The following MEX3B variants were observed in gnomAD, a reference collection of about 807,000 sequenced individuals.
MEX3B encodes RNA-binding protein MEX3B.
Under a neutral mutation model 12.2 loss-of-function variants are expected in MEX3B, and 10 were observed. The observed-to-expected ratio is 0.82, with a 90% CI of 0.51 to 1.40. MEX3B has a LOEUF of 1.40. Ranked by LOEUF, MEX3B falls within the 40% of genes most tolerant of loss-of-function variation. The pLI, the probability that MEX3B is intolerant of heterozygous loss-of-function variation, is 0.00. For missense variants in MEX3B, 839 were observed against 801.4 expected (o/e 1.05, Z -0.57); for synonymous variants, 498 against 356.3 (o/e 1.40, Z -4.48).
At position 82,044,258 on chromosome 15, in the gene MEX3B, C is replaced by G; in HGVS notation, c.612G>C (p.Val204=). ...TCTCTGGCATGCCGGTCACCTCGAACACCGGCTCCTTATCCCGGCTGGGCG... is the reference window on the plus strand; with the variant it reads ...TCTCTGGCATGCCGGTCACCTCGAAGACCGGCTCCTTATCCCGGCTGGGCG... ...IVTPSRDKEP[V]FEVTGMPENV... The change falls in exon 2 of 2, where the codon GTG becomes GTC. Residue 204 remains valine, a synonymous_variant. Coordinates refer to ENST00000329713, the MANE Select transcript of MEX3B (RefSeq NM_032246.6). The surrounding 1 kb of genome is among the most constrained non-coding windows in gnomAD (Gnocchi z 5.3). 6.2e-7 allele frequency: 1 copy of G among 1,614,006 alleles called. No homozygotes were observed. Among genetic ancestry groups the G allele is most frequent in the South Asian group, 1.1e-5 (1 of 91,080 alleles).
chr15:82,043,390 A>G lies in MEX3B; in HGVS notation c.1480T>C (p.Ser494Pro). ...CTGGAGGAGGAGCTGGACGAAGAGG[A>G]GGAGCCCGACGTGTCCGACGGCTGC... is the stretch of plus-strand genomic sequence containing the variant. Reference protein sequence around the residue: ...GLQPSDTSGSSSSSSSSSSSS... With the variant: ...GLQPSDTSGSPSSSSSSSSSS... Residue 494 changes from serine (S) to proline (P), a missense_variant, in exon 2 of 2, where the codon TCC becomes CCC. Ser to Pro is a moderately conservative substitution (Grantham distance 74). Around this residue, in one of 3 missense-constraint regions of MEX3B, gnomAD observed 573 missense variants for 488.9 expected, o/e 1.17. Transcript: ENST00000329713. 1.3e-6 allele frequency: 2 copies of G among 1,587,544 alleles called. No individual in the cohort carries two copies. The highest frequency in any genetic ancestry group is 1.7e-6 in the Non-Finnish European group (2 of 1,166,960).
At chr15:82,045,137 G>C (rs529054496) in intron 1 of MEX3B, 6 of 607,290 alleles carry the variant, frequency 9.9e-6, no homozygotes, top group South Asian at 3.9e-5. Flanking sequence ...CCAAAGGACT[G>C]ATCAAAGGCC....
chr15:82,042,470 A>G lies in MEX3B; in HGVS notation c.*690T>C, dbSNP rs951777038. Reference sequence around the variant, plus strand: ...TTAAAATACTTGTAAACATCTTTGCAATATGAAATATAATTTTTCAAGTCA... The same window carrying G: ...TTAAAATACTTGTAAACATCTTTGCGATATGAAATATAATTTTTCAAGTCA... On this transcript the variant is annotated 3_prime_UTR_variant, in exon 2 of 2. Transcript: ENST00000329713. 2.6e-5 allele frequency: 4 copies of G among 152,768 alleles called. No individual in the cohort carries two copies. The highest frequency in any genetic ancestry group is 3.4e-3 in the Middle Eastern group (1 of 294). The allele number at this position is 152,768 out of a possible 1,614,324, so 9.5% of individuals were successfully genotyped here.
At chr15:82,045,067 G>A (rs1277753181) in intron 1 of MEX3B, 2 of 595,838 alleles carry the variant, frequency 3.4e-6, no homozygotes, top group East Asian at 2.8e-5. Flanking sequence ...GCTCCATTCC[G>A]CTTTGCAGAA....
intron 1 of MEX3B, 39 bp downstream of exon 1, chr15:82,045,411 C>CACCACCCCCCCCCACCACCCCCA: frequency 6.3e-7 from 1 of 1,579,110 alleles, no homozygotes; most frequent in Non-Finnish European, 8.6e-7. Flanking sequence ...TGAGACCCTA[C>CACCACCCCCCCCCACCACCCCCA]ACCACCCCCA....
At chr15:82,045,197 G>A (rs1002862019) in intron 1 of MEX3B, 8 of 628,362 alleles carry the variant, frequency 1.3e-5, no homozygotes, top group Admixed American at 5.1e-5. Context: ...AGGTGGGCTG[G>A]TTGGGGGGCG....
At position 82,043,556 on chromosome 15, in the gene MEX3B, G is replaced by T. The variant is rs2073234145; in HGVS notation, c.1314C>A (p.Cys438Ter). 1 of 1,540,418 alleles carries T rather than the reference G, an allele frequency of 6.5e-7. No homozygotes were observed. Among genetic ancestry groups the T allele is most frequent in the East Asian group, 2.4e-5 (1 of 42,162 alleles). ...TGTGCAAGGGTGGAGACAGGCGCGG[G>T]CAGCTGGTGCCAGGGTGCAGCCGGC... ...VHRRLHPGTS[C>*]PRLSPPLHMA... is the part of the protein sequence containing the mutation. Residue 438 changes from cysteine to a stop codon, truncating the protein, a stop_gained, in exon 2 of 2, where the codon TGC becomes TGA. Transcript: ENST00000329713. LOFTEE classifies it high-confidence loss of function.
rs538338874 is a variant in MEX3B, at chr15:82,042,874, C to T, written c.*286G>A. 3.4e-6 allele frequency: 1 copy of T among 292,280 alleles called. No individual in the cohort carries two copies. The highest frequency in any genetic ancestry group is 2.2e-5 in the African/African-American group (1 of 46,276). The allele number at this position is 292,280 out of a possible 1,614,324, so 18.1% of individuals were successfully genotyped here. ...AAAACTATCATTACTAGAATGTCGC[C>T]GTTCCTATTATTTATAGAGCATGCA... is the stretch of plus-strand genomic sequence containing the variant. On this transcript the variant is annotated 3_prime_UTR_variant, in exon 2 of 2. Coordinates refer to ENST00000329713, the MANE Select transcript of MEX3B (RefSeq NM_032246.6).
rs1371544026 is a variant in MEX3B at position 82,044,010 on chromosome 15, T to C, written c.860A>G (p.Asp287Gly). ...GRKPFSSYRN[D>G]SSSSLGSAST... ...AGCACTGCCAAGCGAGCTGGAGCTG[T>C]CGTTGCGGTAGCTAGAGAAAGGCTT... The change falls in exon 2 of 2, where the codon GAC (aspartate) becomes GGC (glycine). Residue 287 changes from aspartate (D) to glycine (G), a missense_variant. Around this residue, in one of 3 missense-constraint regions of MEX3B, gnomAD observed 573 missense variants for 488.9 expected, o/e 1.17. Coordinates refer to ENST00000329713, the MANE Select transcript of MEX3B (RefSeq NM_032246.6). This position sits in a 1 kb window ranked among gnomAD's most constrained non-coding sequence, Gnocchi z 5.3. 3 of 1,608,686 alleles carry C rather than the reference T, an allele frequency of 1.9e-6. No individual in the cohort carries two copies. In the Admixed American group the frequency reaches 5.0e-5, roughly 27 times the overall value.
In MEX3B at chr15:82,043,660, C is replaced by T. The variant is rs1312799615; in HGVS notation, c.1210G>A (p.Ala404Thr). The change falls in exon 2 of 2, where the codon GCT (alanine) becomes ACT (threonine). Residue 404 changes from alanine (A) to threonine (T), a missense_variant. By Grantham distance (58) the Ala-to-Thr change is moderately conservative. Transcript: ENST00000329713. Reference sequence around the variant, plus strand: ...GGGAAGACCACGGAGGAGGAAGAAGCAGACGAAGATGCAGAAGAAGAGCAG... The same window carrying T: ...GGGAAGACCACGGAGGAGGAAGAAGTAGACGAAGATGCAGAAGAAGAGCAG... ...SSCSSSASSS[A>T]SSSSVVFPGG... 2.5e-6 allele frequency: 4 copies of T among 1,611,022 alleles called. No individual in the cohort carries two copies. The highest frequency in any genetic ancestry group is 2.5e-6 in the Non-Finnish European group (3 of 1,178,664).
rs1481520218 is a variant in MEX3B, at chr15:82,044,771, G to A, written c.257-158C>T. ...GGGGCGTCTCCCTCACTGACCTCGG[G>A]CCGCGCCACGGGCTGGGCAGCGGAT... On this transcript the variant is annotated intron_variant, in intron 1 of 1. Transcript: ENST00000329713. This position sits in a 1 kb window ranked among gnomAD's most constrained non-coding sequence, Gnocchi z 5.3. 8.2e-6 allele frequency: 6 copies of A among 736,142 alleles called. No homozygotes were observed. The highest frequency in any genetic ancestry group is 1.3e-5 in the Non-Finnish European group (6 of 445,012). 45.6% of individuals were successfully genotyped at this position (736,142 alleles called of 1,614,324 possible).
chr15:82,044,757 C>A lies in MEX3B; in HGVS notation c.257-144G>T. 1.2e-6 allele frequency: 1 copy of A among 803,234 alleles called. No individual in the cohort carries two copies. Among genetic ancestry groups the A allele is most frequent in the Non-Finnish European group, 2.0e-6 (1 of 501,044 alleles). 49.8% of individuals were successfully genotyped at this position (803,234 alleles called of 1,614,324 possible). On this transcript the variant is annotated intron_variant, in intron 1 of 1. Coordinates refer to ENST00000329713, the MANE Select transcript of MEX3B (RefSeq NM_032246.6). The surrounding 1 kb of genome is among the most constrained non-coding windows in gnomAD (Gnocchi z 5.3). ...AGATGGGCGGAAAGGGGGCGTCTCC[C>A]TCACTGACCTCGGGCCGCGCCACGG...
chr15:82,045,331 C>T (rs2073250219), intron 1 of MEX3B, 119 bp downstream of exon 1: 2 of 1,271,862 alleles, frequency 1.6e-6, no homozygotes, highest in Admixed American at 3.9e-5. Flanking sequence ...CGCGGCTCTT[C>T]CTCTCTCCCC....
In MEX3B at chr15:82,043,899, G is replaced by A; in HGVS notation, c.971C>T (p.Ala324Val). Residue 324 changes from alanine (A) to valine (V), a missense_variant, in exon 2 of 2, where the codon GCC (alanine) becomes GTC (valine). Physicochemically the swap from Ala to Val is moderately conservative, Grantham distance 64. Transcript: ENST00000329713. ...RLADYSPPSP[A>V]LSFAHNGNNN... is the part of the protein sequence containing the mutation. ...GTTTCCGTTGTGCGCAAAGCTCAGG[G>A]CGGGGCTAGGGGGGCTGTAGTCCGC... 6.3e-7 allele frequency: 1 copy of A among 1,594,972 alleles called. No individual in the cohort carries two copies. Among genetic ancestry groups the A allele is most frequent in the Non-Finnish European group, 8.5e-7 (1 of 1,173,152 alleles).
In MEX3B at chr15:82,043,337, C is replaced by A; in HGVS notation, c.1533G>T (p.Arg511=). Reference sequence around the variant, plus strand: ...CGGAGCAGTCGCGGCTGCCTTTACGCCGAAGCCCGGAGGAAGAGGATGAAG... The same window carrying A: ...CGGAGCAGTCGCGGCTGCCTTTACGACGAAGCCCGGAGGAAGAGGATGAAG... ...SSSSSSSSGL[R]RKGSRDCSVC... Residue 511 remains arginine (R), a synonymous_variant, in exon 2 of 2, where the codon CGG becomes CGT. Transcript: ENST00000329713. 6.2e-7 allele frequency: 1 copy of A among 1,601,720 alleles called. No homozygotes were observed. Among genetic ancestry groups the A allele is most frequent in the Non-Finnish European group, 8.5e-7 (1 of 1,173,818 alleles).
rs1567017726 is a variant in MEX3B at position 82,044,888 on chromosome 15, GAA to G, written c.257-277_257-276del. On this transcript the variant is annotated intron_variant, in intron 1 of 1. Coordinates refer to ENST00000329713, the MANE Select transcript of MEX3B (RefSeq NM_032246.6). The surrounding 1 kb of genome is among the most constrained non-coding windows in gnomAD (Gnocchi z 5.3). ...TCCCGAACCAAACCCGAGAATCCCA[GAA>G]AAGTCATCTGGGGAGATGCCGCTGG... 2 of 583,624 alleles carry G rather than the reference GAA, an allele frequency of 3.4e-6. No individual in the cohort carries two copies. Among genetic ancestry groups the G allele is most frequent in the Non-Finnish European group, 6.1e-6 (2 of 327,152 alleles). The allele number at this position is 583,624 out of a possible 1,614,324, so 36.2% of individuals were successfully genotyped here. A position where few individuals can be genotyped will look rare whatever the true frequency, so the allele number is the denominator to read the frequency against.
chr15:82,045,627 T>A lies in MEX3B; in HGVS notation c.79A>T (p.Thr27Ser). ...TGCAGGGCTCTTTGGTCATCCAGGG[T>A]CTCTCCCCCTCCGCTGCTGCCGCCG... ...GGGGSSGGGETLDDQRALQLA... is the reference protein window; with the variant it reads ...GGGGSSGGGESLDDQRALQLA... Residue 27 changes from threonine to serine, a missense_variant, in exon 1 of 2, where the codon ACC becomes TCC. Transcript: ENST00000329713. 2.5e-6 allele frequency: 4 copies of A among 1,595,736 alleles called. No homozygotes were observed. Among genetic ancestry groups the A allele is most frequent in the Non-Finnish European group, 3.4e-6 (4 of 1,174,716 alleles).
rs1252908411 is a variant in MEX3B, at chr15:82,041,971, T to C, written c.*1189A>G. The C allele has an allele frequency of 6.6e-6, 1 of 152,598 alleles. No homozygotes were observed. The highest frequency in any genetic ancestry group is 1.5e-5 in the Non-Finnish European group (1 of 68,016). 9.5% of individuals were successfully genotyped at this position (152,598 alleles called of 1,614,324 possible). ...AGGTTAAAGGCCCTTTATCATAAAATAAAATATACTTTGTTTTTTAAACTT... is the reference window on the plus strand; with the variant it reads ...AGGTTAAAGGCCCTTTATCATAAAACAAAATATACTTTGTTTTTTAAACTT... On this transcript the variant is annotated 3_prime_UTR_variant, in exon 2 of 2. Coordinates refer to ENST00000329713, the MANE Select transcript of MEX3B (RefSeq NM_032246.6).
rs775331068 is a variant in MEX3B at position 82,045,746 on chromosome 15, C to G, written c.-41G>C. 3.6e-4 allele frequency: 466 copies of G among 1,312,384 alleles called. No individual in the cohort carries two copies. The highest frequency in any genetic ancestry group is 4.2e-4 in the Non-Finnish European group (439 of 1,038,208). 81.3% of individuals were successfully genotyped at this position (1,312,384 alleles called of 1,614,324 possible). On this transcript the variant is annotated 5_prime_UTR_variant, in exon 1 of 2. Transcript: ENST00000329713. ...GCCGCGCCCCCGCCGGCCCTCGGCTCGGCGGCGAGAAGCTGCGGCCACAAA... is the reference window on the plus strand; with the variant it reads ...GCCGCGCCCCCGCCGGCCCTCGGCTGGGCGGCGAGAAGCTGCGGCCACAAA...
Sources: gnomAD v4.1 joint callset for allele counts on GRCh38, gnomAD v4.1.1 for gene constraint, gnomAD v4.1.1 regional missense constraint, Gnocchi (gnomAD v3.1) non-coding constraint, MANE v1.5 for transcripts, NCBI Gene and HGNC (gene_info 2026-07-23, HGNC 2026-07-21) for gene names.